Variants in CEP85L observed in about 807,000 individuals in gnomAD.
The protein encoded by CEP85L is centrosomal protein 85L, also known as centrosomal protein of 85 kDa-like.
In CEP85L, 60 loss-of-function variants were observed where a neutral mutation model predicts 100.3. That is an observed-to-expected ratio of 0.60 (90% CI 0.49 to 0.74). The LOEUF (loss-of-function observed/expected upper bound fraction) is 0.74, where lower values mean the gene tolerates loss of function less well. CEP85L is among the 30% of genes least tolerant of loss of function. The pLI is 0.00. For missense variants in CEP85L, 973 were observed against 936.2 expected, an observed-to-expected ratio of 1.04 and a Z score of -0.51; for synonymous variants, 319 against 322.7, an observed-to-expected ratio of 0.99 and a Z score of 0.12.
chr6:118,635,664 A>T (rs9320660), intron 1 of CEP85L, among the ~76,000 whole-genome samples: 24,918 of 152,206 alleles, frequency 0.16, 2,163 homozygotes, highest in Non-Finnish European at 0.19. Flanking sequence ...AAAGCTGCAT[A>T]AAATGGCTAG....
chr6:118,652,742 G>C, upstream of CEP85L: 2 of 1,545,480 alleles, frequency 1.3e-6, no homozygotes, highest in Non-Finnish European at 8.7e-7. Context: ...TTTACATTTA[G>C]TCTCCCTGTG....
chr6:118,651,093 G>T, intron 1 of CEP85L, 104 bp downstream of exon 1: 1 of 1,371,274 alleles, frequency 7.3e-7, no homozygotes, highest in East Asian at 3.1e-5. Context: ...GGAGGCGGCC[G>T]GGGTAAGACA....
Position 118,632,541 on chromosome 6 carries a change from G to A in CEP85L, c.144C>T (p.Asn48=). The A allele has an allele frequency of 6.2e-7, 1 of 1,613,142 alleles. No homozygotes were observed. Among genetic ancestry groups the A allele is most frequent in the Non-Finnish European group, 8.5e-7 (1 of 1,179,590 alleles). The change falls in exon 2 of 13, where the codon AAC becomes AAT. Residue 48 remains asparagine (N), a synonymous_variant. Transcript: ENST00000368491. ...GTCTCCTGATATGGTTATTTCGATG[G>A]TTAGATGGAACAGTTGTGGCCTGCC... ...SLWQATTVPS[N]HRNNHIRRHS... is the part of the protein sequence containing the mutation.
intron 2 of CEP85L, among the ~76,000 whole-genome samples, chr6:118,575,420 C>CA (rs1002576807): frequency 6.6e-6 from 1 of 152,150 alleles, no homozygotes; most frequent in African/African-American, 2.4e-5. Flanking sequence ...ATGTCAATGA[C>CA]AAAAGTCCTG....
At chr6:118,583,585 T>C (rs1485077676) in intron 2 of CEP85L, among the ~76,000 whole-genome samples, 4 of 152,154 alleles carry the variant, frequency 2.6e-5, no homozygotes, top group African/African-American at 7.2e-5. Context: ...TGTGGAAGTG[T>C]GGGCAACTTA....
At chr6:118,705,538 A>G (rs1241088463) in intron 1 of CEP85L, among the ~76,000 whole-genome samples, 1 of 152,246 alleles carries the variant, frequency 6.6e-6, no homozygotes, top group Non-Finnish European at 1.5e-5. Context: ...CAAGTTAGCT[A>G]GCAAGTCCCT....
chr6:118,649,798 G>A (rs1474487473), intron 1 of CEP85L, among the ~76,000 whole-genome samples: 1 of 151,964 alleles, frequency 6.6e-6, no homozygotes, highest in Non-Finnish European at 1.5e-5. Context: ...TAAATTTCAG[G>A]ATCAAACTTA....
At chr6:118,595,868 CAAG>C (rs1482374484) in intron 2 of CEP85L, among the ~76,000 whole-genome samples, 1 of 152,112 alleles carries the variant, frequency 6.6e-6, no homozygotes, top group Non-Finnish European at 1.5e-5. Flanking sequence ...TCTCACCAAT[CAAG>C]AAGAAATGCT....
intron 2 of CEP85L, among the ~76,000 whole-genome samples, chr6:118,624,228 C>T (rs78147054): frequency 0.029 from 4,395 of 152,284 alleles, 105 homozygotes; most frequent in African/African-American, 0.056. Context: ...GGATCTTTGA[C>T]ATCTCTCCTT....
chr6:118,696,087 A>G (rs1040810838), intron 1 of CEP85L, among the ~76,000 whole-genome samples: 8 of 152,154 alleles, frequency 5.3e-5, no homozygotes, highest in Admixed American at 3.3e-4. Flanking sequence ...CCTAGCCAAC[A>G]TGGTGAAAAC....
chr6:118,700,103 C>T (rs1443756513), intron 1 of CEP85L, among the ~76,000 whole-genome samples: 1 of 152,168 alleles, frequency 6.6e-6, no homozygotes, highest in Non-Finnish European at 1.5e-5. Context: ...CCTTTTCAAC[C>T]ACAGAGTATT....
chr6:118,649,036 C>A (rs545724762), intron 1 of CEP85L, among the ~76,000 whole-genome samples: 3 of 152,132 alleles, frequency 2.0e-5, no homozygotes, highest in Non-Finnish European at 4.4e-5. Context: ...AAGGTCCCTA[C>A]ATGAATCAAC....
At chr6:118,690,510 C>T (rs1279164027) in intron 1 of CEP85L, among the ~76,000 whole-genome samples, 2 of 116,208 alleles carry the variant, frequency 1.7e-5, no homozygotes, top group African/African-American at 6.5e-5. Flanking sequence ...TCACCGCACT[C>T]CACCATCAGT....
At chr6:118,493,093 G>T (rs1025412216) in intron 5 of CEP85L, among the ~76,000 whole-genome samples, 7 of 152,150 alleles carry the variant, frequency 4.6e-5, no homozygotes, top group African/African-American at 1.4e-4. Flanking sequence ...TTGGGAGAAA[G>T]TAGGATACAT....
rs1375610777 is a variant in CEP85L at position 118,597,047 on chromosome 6, A to T, written c.233-30731T>A. 6.3e-5 allele frequency among the ~76,000 whole-genome samples: 7 copies of T among 111,750 alleles called. No homozygotes were observed. The East Asian group carries it at 1.5e-3, about 24-fold the overall frequency. The allele number at this position is 111,750 out of a possible 152,430, so 73.3% of individuals were successfully genotyped here. ...TCTCATGAGATCTGATGGCTTCATAAGGAAATTTTTTTCCCCCTTTGCTCG... is the reference window on the plus strand; with the variant it reads ...TCTCATGAGATCTGATGGCTTCATATGGAAATTTTTTTCCCCCTTTGCTCG... On this transcript the variant is annotated intron_variant, in intron 2 of 12. Transcript: ENST00000368491.
chr6:118,548,114 T>TAA (rs1778317231), intron 3 of CEP85L, among the ~76,000 whole-genome samples: 1 of 152,096 alleles, frequency 6.6e-6, no homozygotes, highest in Non-Finnish European at 1.5e-5. Context: ...TGTTTTAAAT[T>TAA]AAAAACAAAA....
intron 3 of CEP85L, among the ~76,000 whole-genome samples, chr6:118,541,623 A>G (rs1777906871): frequency 1.3e-5 from 2 of 152,202 alleles, no homozygotes; most frequent in Non-Finnish European, 2.9e-5. Context: ...ATTATGTTTT[A>G]GAGGTTCTCC....
intron 1 of CEP85L, among the ~76,000 whole-genome samples, chr6:118,689,036 G>C (rs183545842): frequency 1.3e-5 from 2 of 152,222 alleles, no homozygotes; most frequent in Admixed American, 6.5e-5. Context: ...GAACTGATGC[G>C]CTCTTCCCTT....
intron 2 of CEP85L, among the ~76,000 whole-genome samples, chr6:118,626,145 G>T (rs570706848): frequency 1.3e-5 from 2 of 152,126 alleles, no homozygotes; most frequent in African/African-American, 4.8e-5. Flanking sequence ...TTGAGTAGGG[G>T]CTTGGAAAGC....
Sources: allele counts gnomAD v4.1 joint callset (sites outside exome capture counted in the v4.1 genomes callset), GRCh38; gene constraint gnomAD v4.1.1; transcripts MANE v1.5; gene names NCBI Gene and HGNC (gene_info 2026-07-23, HGNC 2026-07-21).